GALNT3: variants seen among roughly 807,000 people sequenced by gnomAD.
GALNT3 encodes GalNAc transferase 3.
GALNT3 carries 51 observed loss-of-function variants against 69.8 expected under a neutral mutation model. The observed-to-expected ratio is 0.73, with a 90% confidence interval of 0.58 to 0.92. GALNT3 has a LOEUF of 0.92. Ranked by LOEUF, GALNT3 falls within the 40% of genes least tolerant of loss-of-function variation. The pLI is 0.00. For synonymous variants in GALNT3, 265 were observed against 248.5 expected (o/e 1.07, Z -0.63); for missense variants, 711 against 760.0 (o/e 0.94, Z 0.76).
intron 1 of GALNT3, among the ~76,000 whole-genome samples, chr2:165,785,364 A>G (rs546894629): frequency 5.3e-5 from 8 of 152,358 alleles, no homozygotes; most frequent in Admixed American, 2.6e-4. Flanking sequence ...GGGAAAAAAC[A>G]TACATATTGT....
intron 3 of GALNT3, among the ~76,000 whole-genome samples, chr2:165,764,448 C>T (rs1018443837): frequency 6.6e-6 from 1 of 152,066 alleles, no homozygotes; most frequent in African/African-American, 2.4e-5. Flanking sequence ...TGTGGGTTTT[C>T]TCTAGTGATT....
Position 165,770,526 on chromosome 2 carries a change from T to A in GALNT3, c.175A>T (p.Lys59Ter). Residue 59 changes from lysine (K) to a stop codon, truncating the protein, a stop_gained, in exon 2 of 11, where the codon AAA becomes TAA. Coordinates refer to ENST00000392701, the MANE Select transcript of GALNT3 (RefSeq NM_004482.4). LOFTEE classifies it high-confidence loss of function. ...AGCATTAAATCCAACATCTTGTTTT[T>A]GTTTTTCATGTTCCTTTCCATCCTT... is the stretch of plus-strand genomic sequence containing the variant. ...ESRMERNMKN[K>*]NKMLDLMLEA... 1 of 1,614,218 alleles carries A rather than the reference T, an allele frequency of 6.2e-7. No individual in the cohort carries two copies. The highest frequency in any genetic ancestry group is 8.5e-7 in the Non-Finnish European group (1 of 1,180,046).
chr2:165,772,480 G>A (rs1688769019), intron 1 of GALNT3, among the ~76,000 whole-genome samples: 1 of 151,148 alleles, frequency 6.6e-6, no homozygotes, highest in African/African-American at 2.4e-5. Flanking sequence ...AGCTACTCAG[G>A]TGGCTGAGGT....
intron 1 of GALNT3, chr2:165,771,313 T>C (rs1401611662): frequency 6.6e-6 from 1 of 152,166 alleles, no homozygotes; most frequent in Non-Finnish European, 1.5e-5. Flanking sequence ...TACAGCAGTT[T>C]CATCAGTAAG....
chr2:165,755,152 G>A, intron 7 of GALNT3, 89 bp from the exon 8 acceptor site: 1 of 1,248,780 alleles, frequency 8.0e-7, no homozygotes, highest in Non-Finnish European at 1.2e-6. Flanking sequence ...TTCTATTTAG[G>A]TATTTTTAAA....
chr2:165,768,603 C>T, intron 2 of GALNT3, among the ~76,000 whole-genome samples: 1 of 152,166 alleles, frequency 6.6e-6, no homozygotes, highest in South Asian at 2.1e-4. Flanking sequence ...ATCTAAGCTA[C>T]ACAGTTTCAA....
intron 2 of GALNT3, among the ~76,000 whole-genome samples, chr2:165,768,799 T>C (rs911795290): frequency 6.6e-6 from 1 of 151,184 alleles, no homozygotes; most frequent in African/African-American, 2.4e-5. Flanking sequence ...ACTCTTTTTT[T>C]TTTTTTTTTT....
At chr2:165,765,629 C>T (rs1363636568) in intron 2 of GALNT3, among the ~76,000 whole-genome samples, 4 of 152,082 alleles carry the variant, frequency 2.6e-5, no homozygotes, top group Non-Finnish European at 5.9e-5. Flanking sequence ...GCTGGGACTA[C>T]AGGCGCCCAC....
At chr2:165,754,275 A>C (rs1688404824) in intron 9 of GALNT3, among the ~76,000 whole-genome samples, 1 of 151,552 alleles carries the variant, frequency 6.6e-6, no homozygotes, top group Non-Finnish European at 1.5e-5. Flanking sequence ...TTTTTAGTAG[A>C]GATGAGGTTT....
chr2:165,790,886 C>T (rs1433347710), intron 1 of GALNT3, among the ~76,000 whole-genome samples: 1 of 151,920 alleles, frequency 6.6e-6, no homozygotes, highest in Non-Finnish European at 1.5e-5. Context: ...AATAAACTGG[C>T]TATGTTTTCT....
intron 1 of GALNT3, among the ~76,000 whole-genome samples, chr2:165,788,079 A>G (rs10176238): frequency 0.011 from 1,720 of 152,256 alleles, 17 homozygotes; most frequent in African/African-American, 0.025. Context: ...CTATAATCCC[A>G]GCACTTTGGG....
chr2:165,755,102 A>G, intron 7 of GALNT3, 39 bp from the exon 8 acceptor site: 1 of 1,551,792 alleles, frequency 6.4e-7, no homozygotes, highest in South Asian at 1.1e-5. Flanking sequence ...GCTTAATTAA[A>G]ACAACATTGA....
rs564605640 is a variant in GALNT3, at chr2:165,769,775, T to C, written c.515+411A>G. On this transcript the variant is annotated intron_variant, in intron 2 of 10. Coordinates refer to ENST00000392701, the MANE Select transcript of GALNT3 (RefSeq NM_004482.4). ...AAAATATTATCCAACAGTTCCAAAA[T>C]CTTGGCATGTTTTTAAACATTTTTA... is the stretch of plus-strand genomic sequence containing the variant. 3.3e-5 allele frequency among the ~76,000 whole-genome samples: 5 copies of C among 152,228 alleles called. No homozygotes were observed. In the South Asian group the frequency reaches 1.0e-3, roughly 32 times the overall value.
At chr2:165,759,598 C>T in intron 4 of GALNT3, 28 bp from the exon 5 acceptor site, 1 of 1,539,186 alleles carries the variant, frequency 6.5e-7, no homozygotes, top group Non-Finnish European at 9.0e-7. Context: ...TTAATTAATT[C>T]AATAAAAACA....
At chr2:165,789,310 T>C (rs565208345) in intron 1 of GALNT3, among the ~76,000 whole-genome samples, 1 of 152,246 alleles carries the variant, frequency 6.6e-6, no homozygotes, top group African/African-American at 2.4e-5. Flanking sequence ...CTAACAAGCT[T>C]TCTCAGTCCT....
chr2:165,757,379 T>C, intron 6 of GALNT3, 132 bp from the exon 7 acceptor site: 1 of 833,356 alleles, frequency 1.2e-6, no homozygotes, highest in Non-Finnish European at 1.9e-6. Context: ...ATAGTCTCTG[T>C]CCCCTGCCAT....
chr2:165,770,057 T>C (rs1434168676), intron 2 of GALNT3, 129 bp downstream of exon 2: 1 of 1,031,412 alleles, frequency 9.7e-7, no homozygotes, highest in Non-Finnish European at 1.5e-6. Context: ...ATACAACAGG[T>C]TAAATAAACA....
chr2:165,773,536 G>A (rs748697620), intron 1 of GALNT3, among the ~76,000 whole-genome samples: 1 of 152,188 alleles, frequency 6.6e-6, no homozygotes, highest in Non-Finnish European at 1.5e-5. Context: ...TAGATTCAGG[G>A]TAGGAATTAA....
chr2:165,780,001 A>G (rs1322960920), intron 1 of GALNT3, among the ~76,000 whole-genome samples: 1 of 152,222 alleles, frequency 6.6e-6, no homozygotes, highest in East Asian at 1.9e-4. Context: ...GAAATCCAGT[A>G]TAATGAACCT....
Sources: gnomAD v4.1 joint callset for allele counts (sites outside exome capture counted in the v4.1 genomes callset) on GRCh38, gnomAD v4.1.1 for gene constraint, MANE v1.5 for transcripts, NCBI Gene and HGNC (gene_info 2026-07-23, HGNC 2026-07-21) for gene names.